SLC30A8: variants seen among roughly 807,000 people sequenced by gnomAD.
SLC30A8 encodes proton-coupled zinc antiporter SLC30A8.
A neutral mutation model predicts 36.9 loss-of-function variants in SLC30A8; 27 were observed. The observed-to-expected ratio is 0.73, with a 90% CI of 0.54 to 1.01. The LOEUF (loss-of-function observed/expected upper bound fraction) is 1.01. SLC30A8 is among the 50% of genes least tolerant of loss of function. SLC30A8 has a pLI of 0.00. For synonymous variants in SLC30A8, 164 were observed against 172.4 expected (o/e 0.95, Z 0.38); for missense variants, 439 against 452.0 (o/e 0.97, Z 0.26).
intron 6 of SLC30A8, among the ~76,000 whole-genome samples, chr8:117,168,176 G>A (rs868824241): frequency 3.9e-5 from 6 of 151,904 alleles, no homozygotes; most frequent in Non-Finnish European, 8.8e-5. Flanking sequence ...ATTTGGGTGG[G>A]GACACAGCCA....
At chr8:117,163,003 G>A (rs749543673) in intron 5 of SLC30A8, among the ~76,000 whole-genome samples, 1 of 152,184 alleles carries the variant, frequency 6.6e-6, no homozygotes, top group African/African-American at 2.4e-5. Flanking sequence ...CTGGCCACAT[G>A]CAATTTCTGA....
intron 1 of SLC30A8, among the ~76,000 whole-genome samples, chr8:116,999,323 G>A (rs547313684): frequency 7.0e-6 from 1 of 142,322 alleles, no homozygotes; most frequent in Admixed American, 6.9e-5. Context: ...GACCTGGTCT[G>A]GACTTGGGGC....
In SLC30A8 at chr8:117,135,259, T is replaced by C; in HGVS notation, c.-69T>C. On this transcript the variant is annotated 5_prime_UTR_variant, in exon 1 of 8. Transcript: ENST00000456015. ...AGTGTATAAATAATTGCAGTGCTGC[T>C]TTGCTTCCAAAACTGGGCAGTGAGT... is the stretch of plus-strand genomic sequence containing the variant. 1 of 1,179,332 alleles carries C rather than the reference T, an allele frequency of 8.5e-7. No individual in the cohort carries two copies. The highest frequency in any genetic ancestry group is 1.2e-6 in the Non-Finnish European group (1 of 821,548). The allele number at this position is 1,179,332 out of a possible 1,614,324, so 73.1% of individuals were successfully genotyped here. A position where few individuals can be genotyped will look rare whatever the true frequency, so the allele number is the denominator to read the frequency against.
At chr8:117,099,191 T>G (rs1270538271) in intron 2 of SLC30A8, among the ~76,000 whole-genome samples, 1 of 152,178 alleles carries the variant, frequency 6.6e-6, no homozygotes, top group Non-Finnish European at 1.5e-5. Flanking sequence ...CACTTTTTTG[T>G]GAACAGTCTT....
At chr8:117,015,657 T>C (rs1816494269) in intron 1 of SLC30A8, among the ~76,000 whole-genome samples, 1 of 152,132 alleles carries the variant, frequency 6.6e-6, no homozygotes, top group African/African-American at 2.4e-5. Flanking sequence ...CCACCTTTTT[T>C]TTCTGGAGGG....
intron 4 of SLC30A8, among the ~76,000 whole-genome samples, chr8:117,160,417 G>GTT (rs1822720877): frequency 6.9e-6 from 1 of 145,756 alleles, no homozygotes; most frequent in African/African-American, 2.8e-5. Flanking sequence ...GTGTGTGTGT[G>GTT]TGTGTGTGTG....
chr8:117,032,444 TTGTTTCATTTTTC>T (rs1817084315), intron 1 of SLC30A8, among the ~76,000 whole-genome samples: 1 of 152,184 alleles, frequency 6.6e-6, no homozygotes, highest in Non-Finnish European at 1.5e-5. Flanking sequence ...GAAATTGTGG[TTGTTTCATTTTTC>T]AGCTTCTAAA....
intron 1 of SLC30A8, among the ~76,000 whole-genome samples, chr8:117,137,987 A>AT (rs1213318814): frequency 1.5e-5 from 2 of 135,720 alleles, no homozygotes; most frequent in South Asian, 2.3e-4. Flanking sequence ...CATGAACCAT[A>AT]TTTTTTTACC....
Position 116,985,293 on chromosome 8 carries a change from TACACACAC to T in SLC30A8, c.-266+34208_-266+34215del, listed in dbSNP as rs71305454. Among the ~76,000 whole-genome samples the T allele has an allele frequency of 2.2e-3, 306 of 140,326 alleles. 2 individuals carry two copies. The highest frequency in any genetic ancestry group is 5.0e-3 in the African/African-American group (196 of 39,356). 92.1% of individuals were successfully genotyped at this position (140,326 alleles called of 152,430 possible). A position where few individuals can be genotyped will look rare whatever the true frequency, so the allele number is the denominator to read the frequency against. On this transcript the variant is annotated intron_variant, in intron 1 of 10. Coordinates refer to the SLC30A8 transcript ENST00000427715. ...GCAAGCATGTGCATGCTCACACACA[TACACACAC>T]ACACACACACACACACACACACACA...
chr8:117,032,258 G>A (rs775439572), intron 1 of SLC30A8, among the ~76,000 whole-genome samples: 7 of 151,676 alleles, frequency 4.6e-5, no homozygotes, highest in Non-Finnish European at 7.4e-5. Context: ...TCAAAGTTTA[G>A]TATGATTATT....
At chr8:117,079,389 A>G (rs1818591322) in intron 2 of SLC30A8, among the ~76,000 whole-genome samples, 1 of 152,180 alleles carries the variant, frequency 6.6e-6, no homozygotes, top group South Asian at 2.1e-4. Flanking sequence ...CTCTTCCACC[A>G]TAAAAGGATC....
intron 1 of SLC30A8, among the ~76,000 whole-genome samples, chr8:117,016,133 G>T (rs540941422): frequency 6.6e-6 from 1 of 152,262 alleles, no homozygotes; most frequent in East Asian, 1.9e-4. Flanking sequence ...TTTAGACCAG[G>T]CAGAAGAAAC....
rs148902497 is a variant in SLC30A8 at position 117,050,550 on chromosome 8, C to T, written c.-226+11292C>T. 4.9e-3 allele frequency among the ~76,000 whole-genome samples: 746 copies of T among 152,032 alleles called. 10 individuals are homozygous for T. Among genetic ancestry groups the T allele is most frequent in the African/African-American group, 0.017 (716 of 41,472 alleles). On this transcript the variant is annotated intron_variant, in intron 2 of 10. Coordinates refer to the SLC30A8 transcript ENST00000427715. ...CCTCCAGAGTAGCTGGGATTACAGG[C>T]GAGCACCACCGCGCTTGGCTAATTT...
chr8:117,174,204 T>C lies in SLC30A8; in HGVS notation c.*1523T>C, dbSNP rs903574260. The C allele has an allele frequency of 2.0e-5, 3 of 152,164 alleles. No individual in the cohort carries two copies. Among genetic ancestry groups the C allele is most frequent in the South Asian group, 2.1e-4 (1 of 4,836 alleles). 9.4% of individuals were successfully genotyped at this position (152,164 alleles called of 1,614,324 possible). A position where few individuals can be genotyped will look rare whatever the true frequency, so the allele number is the denominator to read the frequency against. ...TGATTTTTATGTTGTTGTCAGACTC[T>C]AGCAAGGTACTAGAAACCTAGCAGG... On this transcript the variant is annotated 3_prime_UTR_variant, in exon 8 of 8. Coordinates refer to ENST00000456015, the MANE Select transcript of SLC30A8 (RefSeq NM_173851.3).
chr8:117,023,418 A>G (rs1443090050), intron 1 of SLC30A8, among the ~76,000 whole-genome samples: 3 of 152,218 alleles, frequency 2.0e-5, no homozygotes, highest in Non-Finnish European at 4.4e-5. Flanking sequence ...AGACACATGC[A>G]CACATTTGTT....
chr8:117,054,727 AAAGGG>A (rs1172863543), intron 2 of SLC30A8, among the ~76,000 whole-genome samples: 3 of 151,792 alleles, frequency 2.0e-5, no homozygotes. Context: ...GAAAAATGAT[AAAGGG>A]TTGCAGAGGA....
chr8:117,097,660 A>AAT (rs1177846323), intron 2 of SLC30A8, among the ~76,000 whole-genome samples: 2 of 32,990 alleles, frequency 6.1e-5, no homozygotes, highest in Non-Finnish European at 8.0e-5. Flanking sequence ...TAATATATAT[A>AAT]ATATATAATT....
chr8:116,956,417 A>G (rs1006621369), intron 1 of SLC30A8, among the ~76,000 whole-genome samples: 2 of 152,214 alleles, frequency 1.3e-5, no homozygotes, highest in African/African-American at 4.8e-5. Flanking sequence ...TGTGGTAGAG[A>G]TGACATTTCG....
chr8:117,027,263 A>T (rs879389535), intron 1 of SLC30A8, among the ~76,000 whole-genome samples: 1 of 152,066 alleles, frequency 6.6e-6, no homozygotes, highest in Non-Finnish European at 1.5e-5. Context: ...TCTCAACACC[A>T]TTTCCTGTCA....
Sources: allele counts gnomAD v4.1 joint callset (sites outside exome capture counted in the v4.1 genomes callset), GRCh38; gene constraint gnomAD v4.1.1; transcripts MANE v1.5; gene names NCBI Gene and HGNC (gene_info 2026-07-23, HGNC 2026-07-21).